The following ACSBG1 variants were observed in gnomAD, a reference collection of about 807,000 sequenced individuals.
ACSBG1 encodes long-chain-fatty-acid--CoA ligase ACSBG1.
In ACSBG1, 39 loss-of-function variants were observed where a neutral mutation model predicts 80.2. That is an observed-to-expected ratio of 0.49 (90% CI 0.38 to 0.64). The LOEUF (loss-of-function observed/expected upper bound fraction) is 0.64. Ranked by LOEUF, ACSBG1 falls within the 30% of genes least tolerant of loss-of-function variation. The pLI is 0.00. For missense variants in ACSBG1, 828 were observed against 966.4 expected (o/e 0.86, Z 1.90); for synonymous variants, 392 against 379.5 (o/e 1.03, Z -0.38).
At chr15:78,207,528 G>C (rs2075226812) in intron 2 of ACSBG1, among the ~76,000 whole-genome samples, 1 of 152,036 alleles carries the variant, frequency 6.6e-6, no homozygotes, top group South Asian at 2.1e-4. Context: ...ACAATTATTT[G>C]ATGGTGGAGA....
intron 1 of ACSBG1, among the ~76,000 whole-genome samples, chr15:78,231,714 G>A (rs976264008): frequency 1.3e-5 from 2 of 152,090 alleles, no homozygotes; most frequent in African/African-American, 4.8e-5. Context: ...TCAGCCTCCT[G>A]AGTAGGTGGG....
In ACSBG1 at chr15:78,234,326, C is replaced by T. The variant is rs764819829; in HGVS notation, c.131+45G>A. On this transcript the variant is annotated intron_variant, in intron 1 of 13. Coordinates refer to ENST00000258873, the MANE Select transcript of ACSBG1 (RefSeq NM_015162.5). The stretch of plus-strand genomic sequence containing the variant: ...TCACACAGCAGAGCAAAGTCTAGAA[C>T]TCGGCCCACAGGTGCAGTGTGCAGA... 14 of 1,596,980 alleles carry T rather than the reference C, an allele frequency of 8.8e-6. No homozygotes were observed. The East Asian group carries it at 3.1e-4, about 36-fold the overall frequency.
intron 10 of ACSBG1, among the ~76,000 whole-genome samples, chr15:78,179,157 G>A (rs117723619): frequency 6.6e-6 from 1 of 152,228 alleles, no homozygotes; most frequent in South Asian, 2.1e-4. Context: ...CGTCCATTAG[G>A]AGGCTGGCCT....
chr15:78,209,393 T>G, intron 1 of ACSBG1: 1 of 388,190 alleles, frequency 2.6e-6, no homozygotes, highest in South Asian at 1.8e-5. Flanking sequence ...GAGCAGCCCT[T>G]CCATTGCTAT....
intron 3 of ACSBG1, 95 bp downstream of exon 3, chr15:78,194,411 T>G: frequency 1.7e-6 from 2 of 1,174,190 alleles, no homozygotes; most frequent in Non-Finnish European, 2.5e-6. Flanking sequence ...CTAAGAGCCT[T>G]GCCCAGTGGG....
chr15:78,203,261 G>A (rs2075184613), intron 2 of ACSBG1, among the ~76,000 whole-genome samples: 1 of 152,194 alleles, frequency 6.6e-6, no homozygotes, highest in Admixed American at 6.5e-5. Flanking sequence ...TAAGATCACT[G>A]CTGTAGTAAC....
intron 2 of ACSBG1, among the ~76,000 whole-genome samples, chr15:78,205,149 C>CT (rs2075201838): frequency 1.3e-5 from 2 of 152,064 alleles, no homozygotes; most frequent in Non-Finnish European, 2.9e-5. Flanking sequence ...CTAGAAAGGC[C>CT]TAGAAAGTAA....
chr15:78,180,721 C>G (rs755851172), intron 9 of ACSBG1, 34 bp downstream of exon 9: 2 of 1,601,344 alleles, frequency 1.2e-6, no homozygotes, highest in Non-Finnish European at 1.7e-6. Context: ...AGCCCACTCT[C>G]TCCCCAGGCC....
chr15:78,195,012 T>C (rs915934836), intron 2 of ACSBG1, among the ~76,000 whole-genome samples: 1 of 152,184 alleles, frequency 6.6e-6, no homozygotes, highest in Non-Finnish European at 1.5e-5. Context: ...TGTTCCTTCT[T>C]TTATCCCAAT....
At chr15:78,221,119 G>T (rs1381848192) in intron 1 of ACSBG1, among the ~76,000 whole-genome samples, 2 of 152,234 alleles carry the variant, frequency 1.3e-5, no homozygotes, top group Admixed American at 6.5e-5. Context: ...ACTGAGAAAA[G>T]AAATAAGACA....
In ACSBG1 at chr15:78,178,768, G is replaced by A. The variant is rs17850484; in HGVS notation, c.1548C>T (p.Gly516=). The A allele has an allele frequency of 0.071, 114,911 of 1,613,918 alleles. 4,864 individuals carry two copies. Among genetic ancestry groups the A allele is most frequent in the South Asian group, 0.17 (15,752 of 91,066 alleles). Residue 516 remains glycine (G), a synonymous_variant, in exon 11 of 14, where the codon GGC becomes GGT. Coordinates refer to ENST00000258873, the MANE Select transcript of ACSBG1 (RefSeq NM_015162.5). This position sits in a 1 kb window ranked among gnomAD's most constrained non-coding sequence, Gnocchi z 4.3. ...KLVNQDAEGI[G]EICLWGRTIF... ...TGGTGCGGCCCCACAGGCAGATCTC[G>A]CCAATGCCCTCTGCGTCCTGGTTCA...
Position 78,189,469 on chromosome 15 carries a change from C to T in ACSBG1, c.663+4037G>A, listed in dbSNP as rs564929672. On this transcript the variant is annotated intron_variant, in intron 5 of 13. Transcript: ENST00000258873. ...GGATTAAGAAAATGTGGCACATATA[C>T]ACCATGGAATACTATGCAGCCATAA... is the stretch of plus-strand genomic sequence containing the variant. Among the ~76,000 whole-genome samples the T allele has an allele frequency of 7.4e-3, 1,120 of 151,942 alleles. 12 individuals carry two copies. Among genetic ancestry groups the T allele is most frequent in the Non-Finnish European group, 0.011 (742 of 67,924 alleles).
rs1595880819 is a variant in ACSBG1 at position 78,178,991 on chromosome 15, G to A, written c.1485-160C>T. ...ACAGGGGACTTACAGCTGAAAGGTA[G>A]AGCCAAGTAAAGGGTTTTAGGGAAT... is the stretch of plus-strand genomic sequence containing the variant. On this transcript the variant is annotated intron_variant, in intron 10 of 13. Coordinates refer to ENST00000258873, the MANE Select transcript of ACSBG1 (RefSeq NM_015162.5). The surrounding 1 kb of genome is among the most constrained non-coding windows in gnomAD (Gnocchi z 4.3). 4.4e-6 allele frequency: 3 copies of A among 681,210 alleles called. No individual in the cohort carries two copies. The highest frequency in any genetic ancestry group is 5.5e-5 in the East Asian group (2 of 36,476). 42.2% of individuals were successfully genotyped at this position (681,210 alleles called of 1,614,324 possible). A position where few individuals can be genotyped will look rare whatever the true frequency, so the allele number is the denominator to read the frequency against.
chr15:78,216,304 T>C (rs1240268080), intron 1 of ACSBG1, among the ~76,000 whole-genome samples: 1 of 152,136 alleles, frequency 6.6e-6, no homozygotes, highest in African/African-American at 2.4e-5. Flanking sequence ...ATGGGATCGA[T>C]GAACAAAGAT....
chr15:78,231,398 G>A (rs367557752), intron 1 of ACSBG1, among the ~76,000 whole-genome samples: 1 of 151,580 alleles, frequency 6.6e-6, no homozygotes, highest in African/African-American at 2.4e-5. Flanking sequence ...CCCAAAGTAC[G>A]GGGATTACAG....
At chr15:78,231,667 C>T (rs114898866) in intron 1 of ACSBG1, among the ~76,000 whole-genome samples, 1,995 of 152,190 alleles carry the variant, frequency 0.013, 45 homozygotes, top group African/African-American at 0.045. Context: ...TAGCTCATTG[C>T]AGCCTCACAC....
chr15:78,228,679 G>A (rs182742825), intron 1 of ACSBG1, among the ~76,000 whole-genome samples: 3 of 152,322 alleles, frequency 2.0e-5, no homozygotes, highest in Non-Finnish European at 4.4e-5. Context: ...GGATGTGCCT[G>A]ACCCCTTTGA....
intron 7 of ACSBG1, 140 bp downstream of exon 7, chr15:78,182,326 G>T: frequency 7.4e-7 from 1 of 1,351,546 alleles, no homozygotes; most frequent in Non-Finnish European, 1.0e-6. Context: ...GCCACAGATT[G>T]ATGGGCTGTT....
intron 10 of ACSBG1, chr15:78,179,096 AATC>A (rs2074913840): frequency 9.6e-6 from 5 of 521,622 alleles, no homozygotes; most frequent in Non-Finnish European, 1.7e-5. Context: ...GGAGATATTT[AATC>A]ATAATAGATG....
Sources: allele counts gnomAD v4.1 joint callset (sites outside exome capture counted in the v4.1 genomes callset), GRCh38; gene constraint gnomAD v4.1.1; non-coding constraint Gnocchi (gnomAD v3.1); transcripts MANE v1.5; gene names NCBI Gene and HGNC (gene_info 2026-07-23, HGNC 2026-07-21).